WARS2: variants seen among roughly 807,000 people sequenced by gnomAD.
The protein encoded by WARS2 is tryptophan--tRNA ligase, mitochondrial.
A neutral mutation model predicts 36.5 loss-of-function variants in WARS2; 28 were observed. That is an observed-to-expected ratio of 0.77 (90% CI 0.57 to 1.05). The LOEUF (loss-of-function observed/expected upper bound fraction) is 1.05. Ranked by LOEUF, WARS2 falls within the 50% of genes least tolerant of loss-of-function variation. The pLI, the probability that WARS2 is intolerant of heterozygous loss-of-function variation, is 0.00. For synonymous variants in WARS2, 174 were observed against 178.4 expected (o/e 0.98, Z 0.20); for missense variants, 435 against 456.8 (o/e 0.95, Z 0.44).
intron 1 of WARS2, among the ~76,000 whole-genome samples, chr1:119,092,970 T>A (rs1038739273): frequency 7.2e-5 from 11 of 152,206 alleles, no homozygotes; most frequent in Non-Finnish European, 1.3e-4. Flanking sequence ...CTGAGTTTTT[T>A]AATCTTCTAC....
In WARS2 at chr1:119,112,579, G is replaced by C. The variant is rs1198338672; in HGVS notation, c.90+27976C>G. 4.6e-5 allele frequency among the ~76,000 whole-genome samples: 7 copies of C among 152,278 alleles called. No individual in the cohort carries two copies. In the South Asian group the frequency reaches 1.5e-3, roughly 32 times the overall value. ...TTCCGTTGTGTCTTGCAACAACAGA[G>C]AACACAGGCGTACTGCTAACACAAA... On this transcript the variant is annotated intron_variant, in intron 1 of 5. Coordinates refer to ENST00000235521, the MANE Select transcript of WARS2 (RefSeq NM_015836.4).
At position 119,085,917 on chromosome 1, in the gene WARS2, A is replaced by G. The variant is rs114666606; in HGVS notation, c.91-9310T>C. On this transcript the variant is annotated intron_variant, in intron 1 of 5. Coordinates refer to ENST00000235521, the MANE Select transcript of WARS2 (RefSeq NM_015836.4). ...CCCAAGCTGGACCTCTCGCTCATTCAGCTCATTGATCAGCTTCACCTTAGT... is the reference window on the plus strand; with the variant it reads ...CCCAAGCTGGACCTCTCGCTCATTCGGCTCATTGATCAGCTTCACCTTAGT... 1,280 of 1,610,508 alleles carry G rather than the reference A, an allele frequency of 7.9e-4. 8 individuals carry two copies. The African/African-American group carries it at 0.016, about 20-fold the overall frequency.
chr1:119,074,403 G>GT (rs1651565618), intron 2 of WARS2, among the ~76,000 whole-genome samples: 1 of 152,136 alleles, frequency 6.6e-6, no homozygotes, highest in African/African-American at 2.4e-5. Flanking sequence ...TTGATTTATT[G>GT]TTTTTTACAG....
At chr1:119,044,394 T>C (rs1419525106) in intron 3 of WARS2, among the ~76,000 whole-genome samples, 1 of 152,238 alleles carries the variant, frequency 6.6e-6, no homozygotes, top group African/African-American at 2.4e-5. Flanking sequence ...CACTTAATGG[T>C]AGAATACTAT....
At chr1:119,122,794 A>T (rs1413033245) in intron 1 of WARS2, among the ~76,000 whole-genome samples, 2 of 152,222 alleles carry the variant, frequency 1.3e-5, no homozygotes, top group Non-Finnish European at 2.9e-5. Context: ...TGAATGGGAA[A>T]ATCAAACATA....
chr1:119,076,735 AT>A (rs1201648708), intron 1 of WARS2, 128 bp from the exon 2 acceptor site: 3 of 1,378,666 alleles, frequency 2.2e-6, no homozygotes, highest in Non-Finnish European at 9.8e-7. Flanking sequence ...ATCATCATCC[AT>A]TTATTTTGTG....
At chr1:119,072,490 GT>G (rs1651400156) in intron 2 of WARS2, among the ~76,000 whole-genome samples, 1 of 152,012 alleles carries the variant, frequency 6.6e-6, no homozygotes, top group South Asian at 2.1e-4. Flanking sequence ...CATCAAAGGT[GT>G]GAAAAAAAGT....
chr1:119,036,834 G>A (rs900252069), intron 4 of WARS2, among the ~76,000 whole-genome samples: 2 of 151,970 alleles, frequency 1.3e-5, no homozygotes, highest in Admixed American at 1.3e-4. Flanking sequence ...TTTTTCATCT[G>A]CCCCATTGCT....
intron 1 of WARS2, among the ~76,000 whole-genome samples, chr1:119,101,773 GA>G (rs917506331): frequency 1.3e-5 from 2 of 152,052 alleles, no homozygotes; most frequent in African/African-American, 4.8e-5. Flanking sequence ...ACAAGAGCAG[GA>G]AAGAGCAGGC....
chr1:119,089,589 A>G (rs1652903475), intron 1 of WARS2, among the ~76,000 whole-genome samples: 1 of 152,176 alleles, frequency 6.6e-6, no homozygotes, highest in African/African-American at 2.4e-5. Context: ...TTATTAGTAT[A>G]ACCCTGGCAC....
intron 1 of WARS2, among the ~76,000 whole-genome samples, chr1:119,102,835 TTGC>T (rs1411357199): frequency 6.6e-6 from 1 of 152,220 alleles, no homozygotes; most frequent in East Asian, 1.9e-4. Flanking sequence ...TGTTTTTGTC[TTGC>T]TGCTCTTCAA....
intron 1 of WARS2, among the ~76,000 whole-genome samples, chr1:119,101,016 G>C (rs113486642): frequency 5.3e-5 from 8 of 152,270 alleles, no homozygotes; most frequent in South Asian, 2.1e-4. Context: ...TTGATCATAT[G>C]GAAGTAAAGA....
At chr1:119,139,278 G>A (rs1329940019) in intron 1 of WARS2, among the ~76,000 whole-genome samples, 3 of 152,024 alleles carry the variant, frequency 2.0e-5, no homozygotes, top group African/African-American at 4.8e-5. Flanking sequence ...GCAGCTTTCC[G>A]GTATATATTA....
At chr1:119,118,025 A>G (rs1380492893) in intron 1 of WARS2, among the ~76,000 whole-genome samples, 1 of 152,206 alleles carries the variant, frequency 6.6e-6, no homozygotes, top group African/African-American at 2.4e-5. Context: ...ACAAGGTTCT[A>G]TAACACCCAC....
intron 2 of WARS2, among the ~76,000 whole-genome samples, chr1:119,055,465 G>A (rs537964360): frequency 6.6e-6 from 1 of 151,916 alleles, no homozygotes; most frequent in Admixed American, 6.6e-5. Context: ...ATACAAAAAA[G>A]TTAGCCAGGC....
intron 1 of WARS2, among the ~76,000 whole-genome samples, chr1:119,091,883 GCA>G (rs1462486523): frequency 7.9e-5 from 12 of 152,322 alleles, no homozygotes; most frequent in African/African-American, 2.9e-4. Flanking sequence ...AAAATACACA[GCA>G]CAGTGTCTGC....
intron 1 of WARS2, among the ~76,000 whole-genome samples, chr1:119,137,527 TCTA>T (rs1243927975): frequency 3.9e-5 from 6 of 152,142 alleles, no homozygotes; most frequent in Non-Finnish European, 2.9e-5. Context: ...TTTGCAAAAA[TCTA>T]CTAACCATCA....
At chr1:119,113,257 T>C (rs754273186) in intron 1 of WARS2, among the ~76,000 whole-genome samples, 13 of 152,194 alleles carry the variant, frequency 8.5e-5, no homozygotes, top group Non-Finnish European at 1.6e-4. Context: ...TGCCACTGTA[T>C]ACTGCTAGGG....
At chr1:119,080,920 C>A (rs940531714) in intron 1 of WARS2, among the ~76,000 whole-genome samples, 2 of 152,206 alleles carry the variant, frequency 1.3e-5, no homozygotes, top group Admixed American at 1.3e-4. Flanking sequence ...CATCAACCTA[C>A]AATTCCATCA....
Sources: allele counts gnomAD v4.1 joint callset (sites outside exome capture counted in the v4.1 genomes callset), GRCh38; gene constraint gnomAD v4.1.1; transcripts MANE v1.5; gene names NCBI Gene and HGNC (gene_info 2026-07-23, HGNC 2026-07-21).